TMEM132B: variants seen among roughly 807,000 people sequenced by gnomAD.
TMEM132B encodes the protein transmembrane protein 132B.
TMEM132B carries 18 observed loss-of-function variants against 90.8 expected under a neutral mutation model. That is an observed-to-expected ratio of 0.20 (90% CI 0.14 to 0.29). The LOEUF (loss-of-function observed/expected upper bound fraction) is 0.29, where lower values mean the gene tolerates loss of function less well. Ranked by LOEUF, TMEM132B falls within the 10% of genes least tolerant of loss-of-function variation. TMEM132B has a pLI of 1.00. For missense variants in TMEM132B, 1,096 were observed against 1,326.8 expected, an observed-to-expected ratio of 0.83 and a Z score of 2.70; for synonymous variants, 504 against 523.3, an observed-to-expected ratio of 0.96 and a Z score of 0.50.
chr12:125,345,422 A>G (rs1566008278), intron 1 of TMEM132B, among the ~76,000 whole-genome samples: 1 of 152,204 alleles, frequency 6.6e-6, no homozygotes, highest in South Asian at 2.1e-4. Context: ...AGTGCTGACT[A>G]AGGTCCATGT....
intron 3 of TMEM132B, among the ~76,000 whole-genome samples, chr12:125,450,635 G>A (rs970145232): frequency 5.9e-5 from 9 of 152,114 alleles, no homozygotes; most frequent in Non-Finnish European, 2.9e-5. Flanking sequence ...ATTGTGTCAG[G>A]CACAAGTTAT....
intron 4 of TMEM132B, among the ~76,000 whole-genome samples, chr12:125,577,110 G>T (rs1884959094): frequency 6.6e-6 from 1 of 151,724 alleles, no homozygotes; most frequent in African/African-American, 2.4e-5. Flanking sequence ...GAAGCCATCT[G>T]GTCCTGAGCT....
At chr12:125,274,448 T>C (rs1354284381) in intron 1 of TMEM132B, among the ~76,000 whole-genome samples, 2 of 152,340 alleles carry the variant, frequency 1.3e-5, no homozygotes, top group East Asian at 3.9e-4. Flanking sequence ...TGCCAGATGG[T>C]GACAAACTGT....
intron 1 of TMEM132B, among the ~76,000 whole-genome samples, chr12:125,236,240 G>A (rs1873933587): frequency 6.6e-6 from 1 of 152,086 alleles, no homozygotes; most frequent in African/African-American, 2.4e-5. Context: ...CCTCCTCCCA[G>A]GTTCAAGTGA....
intron 1 of TMEM132B, among the ~76,000 whole-genome samples, chr12:125,204,971 GTACCAGGCAC>G (rs1873146497): frequency 8.3e-6 from 1 of 121,164 alleles, no homozygotes; most frequent in African/African-American, 3.4e-5. Flanking sequence ...AGGGCTCCGT[GTACCAGGCAC>G]TGTGCTTAGC....
intron 1 of TMEM132B, among the ~76,000 whole-genome samples, chr12:125,290,370 C>G (rs749249140): frequency 1.1e-4 from 17 of 152,122 alleles, no homozygotes; most frequent in Admixed American, 6.5e-5. Flanking sequence ...ACCACCCAAC[C>G]GAGGAAATAA....
At chr12:125,607,843 A>G (rs993503058) in intron 5 of TMEM132B, among the ~76,000 whole-genome samples, 4 of 152,186 alleles carry the variant, frequency 2.6e-5, no homozygotes, top group Admixed American at 6.5e-5. Flanking sequence ...ATTTCATATA[A>G]ACGGAATCAT....
chr12:125,434,389 G>A (rs546660429), intron 3 of TMEM132B, among the ~76,000 whole-genome samples: 1 of 152,178 alleles, frequency 6.6e-6, no homozygotes, highest in Non-Finnish European at 1.5e-5. Flanking sequence ...GGATTAGGAC[G>A]TGGCTGTCTT....
rs1388382286 is a variant in TMEM132B at position 125,554,427 on chromosome 12, T to TTTA, written c.1294-29424_1294-29423insTTA. On this transcript the variant is annotated intron_variant, in intron 4 of 8. Coordinates refer to ENST00000682704, the MANE Select transcript of TMEM132B (RefSeq NM_001366854.1). ...GCGACAAAGTGAGACTCCATTTCAT[T>TTTA]AAAAAAAAAAAAAAAAAAAAAAAAA... 6.9e-3 allele frequency among the ~76,000 whole-genome samples: 483 copies of TTTA among 69,508 alleles called. 7 individuals carry two copies. Among genetic ancestry groups the TTTA allele is most frequent in the African/African-American group, 0.023 (465 of 19,974 alleles). 45.6% of individuals were successfully genotyped at this position (69,508 alleles called of 152,430 possible).
At chr12:125,647,570 G>A (rs1300769725) in intron 6 of TMEM132B, among the ~76,000 whole-genome samples, 1 of 152,220 alleles carries the variant, frequency 6.6e-6, no homozygotes, top group Admixed American at 6.5e-5. Flanking sequence ...GGAACTGTCA[G>A]CCTCAAATTC....
intron 5 of TMEM132B, among the ~76,000 whole-genome samples, chr12:125,626,939 C>T (rs1258090200): frequency 6.6e-6 from 1 of 151,994 alleles, no homozygotes; most frequent in Non-Finnish European, 1.5e-5. Flanking sequence ...GTACATTAGA[C>T]CATTTGACCC....
chr12:125,281,094 C>T (rs1440288158), intron 1 of TMEM132B, among the ~76,000 whole-genome samples: 1 of 152,194 alleles, frequency 6.6e-6, no homozygotes, highest in African/African-American at 2.4e-5. Flanking sequence ...AGAAAGGCCC[C>T]AGCAGGGGAC....
intron 1 of TMEM132B, among the ~76,000 whole-genome samples, chr12:125,243,030 T>C (rs868181872): frequency 1.4e-5 from 2 of 139,502 alleles, no homozygotes; most frequent in Non-Finnish European, 1.6e-5. Flanking sequence ...TATATATATA[T>C]ATACACACAC....
chr12:125,334,542 CTT>C (rs1286715852), intron 1 of TMEM132B, among the ~76,000 whole-genome samples: 2 of 152,216 alleles, frequency 1.3e-5, no homozygotes, highest in African/African-American at 2.4e-5. Flanking sequence ...TGTAGAATGT[CTT>C]TGCCTTTTTT....
intron 4 of TMEM132B, among the ~76,000 whole-genome samples, chr12:125,562,570 AC>A (rs1333738308): frequency 1.3e-5 from 2 of 152,156 alleles, no homozygotes; most frequent in African/African-American, 2.4e-5. Flanking sequence ...TCACTTAAAC[AC>A]TTAGAGGCCA....
chr12:125,617,046 C>T (rs1188379855), intron 5 of TMEM132B, among the ~76,000 whole-genome samples: 1 of 152,138 alleles, frequency 6.6e-6, no homozygotes, highest in Non-Finnish European at 1.5e-5. Flanking sequence ...TTGTTTAAAC[C>T]ACCCAGTGTA....
Position 125,654,383 on chromosome 12 carries a change from C to T in TMEM132B, c.2925C>T (p.Thr975=), listed in dbSNP as rs1435859491. Residue 975 remains threonine, a synonymous_variant, in exon 9 of 9, where the codon ACC becomes ACT. Coordinates refer to ENST00000682704, the MANE Select transcript of TMEM132B (RefSeq NM_001366854.1). The surrounding 1 kb of genome is among the most constrained non-coding windows in gnomAD (Gnocchi z 5.8). Reference sequence around the variant, plus strand: ...CACTCCCATCAGAGGAGTGCACAACCATGATAGACAGGGGCCTGCAGTTCG... The same window carrying T: ...CACTCCCATCAGAGGAGTGCACAACTATGATAGACAGGGGCCTGCAGTTCG... ...DITLPSEECT[T]MIDRGLQFEE... 2.5e-6 allele frequency: 4 copies of T among 1,612,992 alleles called. No individual in the cohort carries two copies. In the African/African-American group the frequency reaches 4.0e-5, roughly 16 times the overall value.
chr12:125,639,539 A>G (rs1566097569), intron 5 of TMEM132B, among the ~76,000 whole-genome samples: 1 of 152,266 alleles, frequency 6.6e-6, no homozygotes, highest in Non-Finnish European at 1.5e-5. Context: ...CATGTTCTGA[A>G]GCAGATTACC....
chr12:125,202,375 C>A (rs1873081814), intron 1 of TMEM132B, among the ~76,000 whole-genome samples: 1 of 152,250 alleles, frequency 6.6e-6, no homozygotes, highest in Non-Finnish European at 1.5e-5. Context: ...GGTCCTCTGC[C>A]AGAGGTCCGT....
Sources: allele counts gnomAD v4.1 joint callset (sites outside exome capture counted in the v4.1 genomes callset), GRCh38; gene constraint gnomAD v4.1.1; non-coding constraint Gnocchi (gnomAD v3.1); transcripts MANE v1.5; gene names NCBI Gene and HGNC (gene_info 2026-07-23, HGNC 2026-07-21).